MTREX: variants seen among roughly 807,000 people sequenced by gnomAD.
MTREX encodes Mtr4 exosome RNA helicase.
Under a neutral mutation model 135.4 loss-of-function variants are expected in MTREX, and 76 were observed. That is an observed-to-expected ratio of 0.56 (90% confidence interval 0.47 to 0.68). MTREX has a LOEUF of 0.68. MTREX is among the 30% of genes least tolerant of loss of function. MTREX has a pLI of 0.00. For missense variants in MTREX, 920 were observed against 1,262.1 expected (o/e 0.73, Z 4.11); for synonymous variants, 404 against 401.6 (o/e 1.01, Z -0.07).
chr5:55,324,538 C>T (rs1031606105), intron 3 of MTREX: 1 of 144,398 alleles, frequency 6.9e-6, no homozygotes, highest in Non-Finnish European at 1.4e-5. Context: ...ACCTCCGCCT[C>T]CCGGGTTCAA....
At chr5:55,349,431 C>A in intron 11 of MTREX, 142 bp from the exon 12 acceptor site, 1 of 579,282 alleles carries the variant, frequency 1.7e-6, no homozygotes, top group Non-Finnish European at 3.1e-6. Context: ...TCAAGCCAGC[C>A]ACCTGCCTCA....
chr5:55,339,492 C>T (rs990771077), intron 5 of MTREX, among the ~76,000 whole-genome samples: 1 of 152,194 alleles, frequency 6.6e-6, no homozygotes, highest in Non-Finnish European at 1.5e-5. Flanking sequence ...CAAAACTGCT[C>T]TATTGTGTTC....
chr5:55,384,330 T>G (rs1579884689), intron 18 of MTREX, among the ~76,000 whole-genome samples: 1 of 152,252 alleles, frequency 6.6e-6, no homozygotes, highest in East Asian at 1.9e-4. Context: ...AAATAGACTT[T>G]GAAACTCTAA....
At chr5:55,326,500 G>A (rs1231845349) in intron 3 of MTREX, among the ~76,000 whole-genome samples, 3 of 152,134 alleles carry the variant, frequency 2.0e-5, no homozygotes, top group Non-Finnish European at 4.4e-5. Context: ...CCACCTTTCT[G>A]TCACTTCTTC....
intron 6 of MTREX, among the ~76,000 whole-genome samples, 176 bp from the exon 7 acceptor site, chr5:55,341,505 A>C (rs979059199): frequency 6.6e-6 from 1 of 152,220 alleles, no homozygotes; most frequent in Non-Finnish European, 1.5e-5. Flanking sequence ...GTAATATTGA[A>C]TATTACTTTT....
chr5:55,322,284 AAGTGGATACTG>A lies in MTREX; in HGVS notation c.135-42_135-32del, dbSNP rs1445510210. Reference sequence around the variant, plus strand: ...TTTTATGATGTTGCCCTTAAAGTAAAAGTGGATACTGCAGAATTCATTCCAAACTATTTACT... The same window carrying A: ...TTTTATGATGTTGCCCTTAAAGTAAACAGAATTCATTCCAAACTATTTACT... On this transcript the variant is annotated intron_variant, in intron 1 of 26. Transcript: ENST00000230640. The A allele has an allele frequency of 2.6e-6, 4 of 1,536,878 alleles. No individual in the cohort carries two copies. The African/African-American group carries it at 5.6e-5, about 21-fold the overall frequency.
chr5:55,415,858 C>A, intron 24 of MTREX, 112 bp from the exon 25 acceptor site: 2 of 679,958 alleles, frequency 2.9e-6, no homozygotes, highest in Non-Finnish European at 4.7e-6. Context: ...ACATTGCAGA[C>A]ATAATACCTA....
chr5:55,358,630 G>A lies in MTREX; in HGVS notation c.1591G>A (p.Asp531Asn). The change falls in exon 15 of 27, where the codon GAT (aspartate) becomes AAT (asparagine). Residue 531 changes from aspartate to asparagine, a missense_variant. By Grantham distance (23) the Asp-to-Asn change is conservative. Transcript: ENST00000230640. The part of the protein sequence containing the change: ...SGRAGRRGMD[D>N]RGIVILMVDE... Reference sequence around the variant, plus strand: ...TCGTGCTGGAAGGAGAGGAATGGATGATAGAGGAATTGTAATTCTTATGGT... The same window carrying A: ...TCGTGCTGGAAGGAGAGGAATGGATAATAGAGGAATTGTAATTCTTATGGT... The A allele has an allele frequency of 1.2e-6, 2 of 1,605,818 alleles. No homozygotes were observed. Among genetic ancestry groups the A allele is most frequent in the Non-Finnish European group, 8.5e-7 (1 of 1,176,354 alleles).
In MTREX at chr5:55,399,673, G is replaced by C. The variant is rs1579894009; in HGVS notation, c.2293-560G>C. Among the ~76,000 whole-genome samples the C allele has an allele frequency of 2.0e-5, 3 of 152,104 alleles. No individual in the cohort carries two copies. In the South Asian group the frequency reaches 6.2e-4, roughly 32 times the overall value. ...TGGCTAATTTTTTGTATTTTTAGTA[G>C]AGACGGGGTTTCACCGTGTTAGCCA... On this transcript the variant is annotated intron_variant, in intron 20 of 26. Coordinates refer to ENST00000230640, the MANE Select transcript of MTREX (RefSeq NM_015360.5).
At chr5:55,377,964 T>C (rs1236825981) in intron 16 of MTREX, among the ~76,000 whole-genome samples, 1 of 150,524 alleles carries the variant, frequency 6.6e-6, no homozygotes, top group Non-Finnish European at 1.5e-5. Context: ...TCCTGAGTCA[T>C]ACCTTGGAGG....
At position 55,353,168 on chromosome 5, in the gene MTREX, G is replaced by A. The variant is rs1212738495; in HGVS notation, c.1432G>A (p.Ala478Thr). The A allele has an allele frequency of 3.8e-6, 6 of 1,580,770 alleles. No individual in the cohort carries two copies. The highest frequency in any genetic ancestry group is 5.2e-6 in the Non-Finnish European group (6 of 1,164,310). The change falls in exon 14 of 27, where the codon GCC becomes ACC. Residue 478 changes from alanine to threonine, a missense_variant and splice_region_variant. By Grantham distance (58) the Ala-to-Thr change is moderately conservative (BLOSUM62 0). Transcript: ENST00000230640. ...ATTATAGAATTACTTATTTACTTAG[G>A]CCTTATTTGCCACGGAGACCTTTGC... ...EILFSEGLIK[A>T]LFATETFAMG...
chr5:55,329,571 T>C (rs559372960), intron 5 of MTREX, among the ~76,000 whole-genome samples: 1 of 152,322 alleles, frequency 6.6e-6, no homozygotes, highest in East Asian at 1.9e-4. Flanking sequence ...TCTGAAGAAA[T>C]GCCTTTAGCA....
intron 13 of MTREX, among the ~76,000 whole-genome samples, chr5:55,351,998 C>T (rs1212837684): frequency 1.4e-5 from 2 of 147,688 alleles, no homozygotes; most frequent in South Asian, 2.1e-4. Flanking sequence ...ATTTTTTTTT[C>T]TTGTTTTTTG....
intron 5 of MTREX, among the ~76,000 whole-genome samples, chr5:55,337,931 G>A (rs1053199291): frequency 6.6e-6 from 1 of 151,914 alleles, no homozygotes; most frequent in Non-Finnish European, 1.5e-5. Flanking sequence ...CTTACAGTAT[G>A]CATGTTTAAC....
chr5:55,309,791 G>A (rs1398281026), intron 1 of MTREX, among the ~76,000 whole-genome samples: 1 of 152,140 alleles, frequency 6.6e-6, no homozygotes, highest in Admixed American at 6.5e-5. Flanking sequence ...CTGTGGGGAA[G>A]TAAGTGACAC....
intron 25 of MTREX, among the ~76,000 whole-genome samples, chr5:55,422,487 G>A (rs1332164217): frequency 6.6e-6 from 1 of 152,168 alleles, no homozygotes. Flanking sequence ...TTGAATAGCT[G>A]CAGTTTGCCA....
chr5:55,389,408 C>G (rs908629866), intron 19 of MTREX, among the ~76,000 whole-genome samples: 1 of 152,114 alleles, frequency 6.6e-6, no homozygotes, highest in Non-Finnish European at 1.5e-5. Flanking sequence ...AGTCATGAAA[C>G]CAAGGCAAAC....
chr5:55,413,001 A>G (rs1323407300), intron 23 of MTREX, among the ~76,000 whole-genome samples: 1 of 152,136 alleles, frequency 6.6e-6, no homozygotes, highest in Non-Finnish European at 1.5e-5. Flanking sequence ...ACTGGTGCTT[A>G]AAATAAAGGC....
In MTREX at chr5:55,425,409, C is replaced by T. The variant is rs1751155115; in HGVS notation, c.*637C>T. On this transcript the variant is annotated 3_prime_UTR_variant, in exon 27 of 27. Coordinates refer to ENST00000230640, the MANE Select transcript of MTREX (RefSeq NM_015360.5). ...CATACAAAGTTGTGATCAACAGCAT[C>T]CTAAGATAAATATAAACAAAAGGAT... 4 of 1,331,732 alleles carry T rather than the reference C, an allele frequency of 3.0e-6. No individual in the cohort carries two copies. The highest frequency in any genetic ancestry group is 2.4e-5 in the East Asian group (1 of 42,464). 82.5% of individuals were successfully genotyped at this position (1,331,732 alleles called of 1,614,324 possible).
Sources: allele counts gnomAD v4.1 joint callset (sites outside exome capture counted in the v4.1 genomes callset), GRCh38; gene constraint gnomAD v4.1.1; transcripts MANE v1.5; gene names NCBI Gene and HGNC (gene_info 2026-07-23, HGNC 2026-07-21).